The following KCND3 variants were observed in gnomAD, a reference collection of about 807,000 sequenced individuals.
KCND3 encodes the protein potassium voltage-gated channel subfamily D member 3, also known as A-type voltage-gated potassium channel KCND3.
Under a neutral mutation model 51.1 loss-of-function variants are expected in KCND3, and 9 were observed. The observed-to-expected ratio is 0.18, with a 90% CI of 0.11 to 0.31. The LOEUF (loss-of-function observed/expected upper bound fraction) is 0.31, where lower values mean the gene tolerates loss of function less well. Ranked by LOEUF, KCND3 falls within the 10% of genes least tolerant of loss-of-function variation. The pLI is 1.00. For missense variants in KCND3, 526 were observed against 903.8 expected, an observed-to-expected ratio of 0.58 and a Z score of 5.36; for synonymous variants, 349 against 368.0, an observed-to-expected ratio of 0.95 and a Z score of 0.59.
intron 2 of KCND3, among the ~76,000 whole-genome samples, chr1:111,874,868 T>C (rs1668983774): frequency 1.3e-5 from 2 of 152,164 alleles, no homozygotes; most frequent in Admixed American, 1.3e-4. Flanking sequence ...GCTAAAAAAC[T>C]GCTTCAAACA....
intron 2 of KCND3, among the ~76,000 whole-genome samples, chr1:111,800,598 G>C (rs1665263130): frequency 6.6e-6 from 1 of 151,696 alleles, no homozygotes. Flanking sequence ...TATTTGTGGT[G>C]ATGCTTCCTA....
intron 2 of KCND3, among the ~76,000 whole-genome samples, chr1:111,813,010 A>AG (rs1187399914): frequency 6.6e-6 from 1 of 152,176 alleles, no homozygotes; most frequent in Non-Finnish European, 1.5e-5. Flanking sequence ...AGTAGTGGGC[A>AG]GGAGTGGGGT....
intron 2 of KCND3, among the ~76,000 whole-genome samples, chr1:111,793,950 G>A (rs1430323568): frequency 1.3e-5 from 2 of 152,200 alleles, no homozygotes; most frequent in South Asian, 2.1e-4. Context: ...AGTAAGGGAC[G>A]AGAAAGCCCT....
At chr1:111,988,556 G>A (rs999459915) in intron 1 of KCND3, among the ~76,000 whole-genome samples, 1 of 152,076 alleles carries the variant, frequency 6.6e-6, no homozygotes, top group African/African-American at 2.4e-5. Context: ...TATTGAATTC[G>A]TGGACACCCA....
At chr1:111,872,441 AC>A (rs1197542191) in intron 2 of KCND3, among the ~76,000 whole-genome samples, 1 of 152,230 alleles carries the variant, frequency 6.6e-6, no homozygotes, top group East Asian at 1.9e-4. Flanking sequence ...TGACCTGTGA[AC>A]CTTTTTATCA....
chr1:111,923,494 G>T (rs1224667102), intron 2 of KCND3, among the ~76,000 whole-genome samples: 1 of 152,148 alleles, frequency 6.6e-6, no homozygotes, highest in Non-Finnish European at 1.5e-5. Flanking sequence ...AAGCTTCCAG[G>T]CTCAGGACCC....
intron 2 of KCND3, among the ~76,000 whole-genome samples, chr1:111,935,114 C>T (rs944487708): frequency 6.6e-6 from 1 of 152,216 alleles, no homozygotes; most frequent in Admixed American, 6.5e-5. Flanking sequence ...TCCATAAACA[C>T]AAGTCTTATG....
At chr1:111,922,690 C>T (rs1671527057) in intron 2 of KCND3, among the ~76,000 whole-genome samples, 2 of 152,204 alleles carry the variant, frequency 1.3e-5, no homozygotes, top group Non-Finnish European at 2.9e-5. Flanking sequence ...ATATAGGAAG[C>T]ATGGTGGAAC....
At chr1:111,797,924 G>C (rs1665127568) in intron 2 of KCND3, among the ~76,000 whole-genome samples, 1 of 152,180 alleles carries the variant, frequency 6.6e-6, no homozygotes, top group Non-Finnish European at 1.5e-5. Flanking sequence ...TATTGGATGG[G>C]GATGAAAGTA....
chr1:111,902,329 G>A (rs1360101036), intron 2 of KCND3, among the ~76,000 whole-genome samples: 2 of 152,210 alleles, frequency 1.3e-5, no homozygotes, highest in African/African-American at 4.8e-5. Flanking sequence ...CCTACATCCA[G>A]TGGCAACTGA....
At chr1:111,789,994 G>A (rs1279156059) in intron 2 of KCND3, among the ~76,000 whole-genome samples, 1 of 152,192 alleles carries the variant, frequency 6.6e-6, no homozygotes, top group African/African-American at 2.4e-5. Context: ...GCCAGCAAAG[G>A]AAGTTCATGG....
At chr1:111,870,877 A>G (rs187470603) in intron 2 of KCND3, among the ~76,000 whole-genome samples, 187 of 152,350 alleles carry the variant, frequency 1.2e-3, no homozygotes, top group Admixed American at 2.4e-3. Context: ...CTGAAGGAAT[A>G]TAACATCCCC....
At chr1:111,834,535 A>G (rs955477764) in intron 2 of KCND3, among the ~76,000 whole-genome samples, 2 of 152,224 alleles carry the variant, frequency 1.3e-5, no homozygotes, top group Admixed American at 6.5e-5. Flanking sequence ...AGGAGTTTAG[A>G]GATCTTCTAA....
At chr1:111,934,324 C>T (rs1672111615) in intron 2 of KCND3, among the ~76,000 whole-genome samples, 1 of 152,198 alleles carries the variant, frequency 6.6e-6, no homozygotes, top group Admixed American at 6.5e-5. Flanking sequence ...GAGTCAAAGG[C>T]ACAGACTCAT....
At chr1:111,778,358 G>A (rs1419161283) in intron 6 of KCND3, 78 bp downstream of exon 6, 1 of 1,347,286 alleles carries the variant, frequency 7.4e-7, no homozygotes, top group East Asian at 2.3e-5. Context: ...AACCAGGCCG[G>A]GGGGTAAAAA....
intron 2 of KCND3, among the ~76,000 whole-genome samples, chr1:111,975,987 C>T (rs1297626714): frequency 1.3e-5 from 2 of 152,182 alleles, no homozygotes; most frequent in Non-Finnish European, 2.9e-5. Flanking sequence ...TGCCCAGGCC[C>T]CCACACTCAG....
chr1:111,828,062 TG>T (rs1666657117), intron 2 of KCND3, among the ~76,000 whole-genome samples: 2 of 152,216 alleles, frequency 1.3e-5, no homozygotes, highest in Non-Finnish European at 2.9e-5. Context: ...CTTTTGTTTA[TG>T]GGCTTCTGGA....
intron 2 of KCND3, among the ~76,000 whole-genome samples, chr1:111,868,780 G>C (rs1247163769): frequency 6.6e-6 from 1 of 152,048 alleles, no homozygotes; most frequent in Non-Finnish European, 1.5e-5. Flanking sequence ...TTGTCACCCA[G>C]GCTGGAGTGC....
At chr1:111,790,497 G>A (rs1235480176) in intron 2 of KCND3, among the ~76,000 whole-genome samples, 1 of 152,130 alleles carries the variant, frequency 6.6e-6, no homozygotes, top group Non-Finnish European at 1.5e-5. Flanking sequence ...CAGCTGGTGA[G>A]TTCAAAATAG....
Sources: gnomAD v4.1 joint callset for allele counts (sites outside exome capture counted in the v4.1 genomes callset) on GRCh38, gnomAD v4.1.1 for gene constraint, MANE v1.5 for transcripts, NCBI Gene and HGNC (gene_info 2026-07-23, HGNC 2026-07-21) for gene names.